The following IMMP2L variants were observed in gnomAD, a reference collection of about 807,000 sequenced individuals.
IMMP2L encodes the protein inner mitochondrial membrane peptidase subunit 2, also known as mitochondrial inner membrane protease subunit 2.
IMMP2L carries 18 observed loss-of-function variants against 19.3 expected under a neutral mutation model. That is an observed-to-expected ratio of 0.93 (90% CI 0.64 to 1.38). The LOEUF (loss-of-function observed/expected upper bound fraction) is 1.38. IMMP2L is among the 40% of genes most tolerant of loss of function. The probability of loss-of-function intolerance (pLI) is 0.00; values close to 1 mark genes in which losing one functional copy is unlikely to be tolerated. For synonymous variants in IMMP2L, 76 were observed against 73.0 expected (o/e 1.04, Z -0.21); for missense variants, 233 against 218.2 (o/e 1.07, Z -0.43).
intron 3 of IMMP2L, among the ~76,000 whole-genome samples, chr7:110,979,385 T>G (rs1230414715): frequency 1.3e-5 from 2 of 152,174 alleles, no homozygotes; most frequent in Admixed American, 6.5e-5. Flanking sequence ...GTTTTCTAAC[T>G]CTACACATTT....
chr7:110,997,166 A>C (rs2129560546), intron 3 of IMMP2L, among the ~76,000 whole-genome samples: 1 of 152,228 alleles, frequency 6.6e-6, no homozygotes, highest in African/African-American at 2.4e-5. Context: ...ATGTACTTAA[A>C]AAAAATTTAC....
At chr7:111,391,185 G>A (rs1162624413) in intron 3 of IMMP2L, among the ~76,000 whole-genome samples, 1 of 152,096 alleles carries the variant, frequency 6.6e-6, no homozygotes, top group Non-Finnish European at 1.5e-5. Flanking sequence ...GGAAGCACAG[G>A]AATAGAGGAA....
intron 5 of IMMP2L, among the ~76,000 whole-genome samples, chr7:110,751,340 C>G (rs1334960222): frequency 6.6e-6 from 1 of 151,882 alleles, no homozygotes; most frequent in Non-Finnish European, 1.5e-5. Context: ...TAGAAACATA[C>G]TTAATATTTG....
chr7:111,151,440 G>C (rs774346025), intron 3 of IMMP2L, among the ~76,000 whole-genome samples: 12 of 152,096 alleles, frequency 7.9e-5, no homozygotes, highest in Non-Finnish European at 1.6e-4. Flanking sequence ...ATTGTAATGA[G>C]AGAGGGGGAG....
At chr7:110,946,360 T>A (rs1817249999) in intron 4 of IMMP2L, among the ~76,000 whole-genome samples, 1 of 152,178 alleles carries the variant, frequency 6.6e-6, no homozygotes, top group Non-Finnish European at 1.5e-5. Context: ...CAATAAAGTA[T>A]TTCTAGGTTT....
chr7:110,802,331 ATGTGTGTG>A (rs10545848), intron 5 of IMMP2L, among the ~76,000 whole-genome samples: 34,123 of 146,802 alleles, frequency 0.23, 3,882 homozygotes, highest in Middle Eastern at 0.27. Flanking sequence ...GTATGTGTGT[ATGTGTGTG>A]TGTGTGTGTG....
At chr7:111,511,354 A>G (rs1845421192) in intron 2 of IMMP2L, among the ~76,000 whole-genome samples, 1 of 152,042 alleles carries the variant, frequency 6.6e-6, no homozygotes, top group Admixed American at 6.6e-5. Context: ...GGCCAAGCAA[A>G]AAAAAGGGCC....
chr7:110,859,232 C>G (rs910469855), intron 5 of IMMP2L, among the ~76,000 whole-genome samples: 7 of 152,018 alleles, frequency 4.6e-5, no homozygotes, highest in Non-Finnish European at 8.8e-5. Context: ...GCTTTTGACT[C>G]AGAGATCTGT....
intron 3 of IMMP2L, among the ~76,000 whole-genome samples, chr7:111,470,953 A>G (rs1841204908): frequency 6.6e-6 from 1 of 151,958 alleles, no homozygotes; most frequent in Non-Finnish European, 1.5e-5. Context: ...AAGCTAAAAC[A>G]GAACCAAGAA....
At chr7:111,514,143 T>C (rs892885756) in intron 2 of IMMP2L, among the ~76,000 whole-genome samples, 4 of 152,218 alleles carry the variant, frequency 2.6e-5, no homozygotes, top group African/African-American at 9.6e-5. Context: ...AATAATACTG[T>C]ATTATACACT....
intron 3 of IMMP2L, among the ~76,000 whole-genome samples, chr7:111,476,613 C>G (rs1841747373): frequency 1.3e-5 from 2 of 152,088 alleles, no homozygotes; most frequent in African/African-American, 4.8e-5. Flanking sequence ...CTATAGAAAT[C>G]CCAGGATAAT....
intron 5 of IMMP2L, among the ~76,000 whole-genome samples, chr7:110,806,463 G>A (rs1156920354): frequency 1.3e-5 from 2 of 151,870 alleles, no homozygotes; most frequent in African/African-American, 4.8e-5. Flanking sequence ...TATTTGAGAG[G>A]AATTATCCAT....
At chr7:111,465,838 G>T (rs981977818) in intron 3 of IMMP2L, among the ~76,000 whole-genome samples, 3 of 152,064 alleles carry the variant, frequency 2.0e-5, no homozygotes, top group African/African-American at 4.8e-5. Flanking sequence ...TATACCCAAA[G>T]GATTATAAAT....
intron 3 of IMMP2L, among the ~76,000 whole-genome samples, chr7:111,184,928 T>G (rs1442435898): frequency 1.3e-5 from 2 of 152,264 alleles, no homozygotes; most frequent in Admixed American, 6.5e-5. Flanking sequence ...ATAAAAAAGT[T>G]TTGAATCCAA....
At chr7:110,801,616 G>C (rs1042874121) in intron 5 of IMMP2L, among the ~76,000 whole-genome samples, 2 of 152,058 alleles carry the variant, frequency 1.3e-5, no homozygotes, top group African/African-American at 4.8e-5. Flanking sequence ...GTTTAAGAAT[G>C]TGAAATCAAC....
intron 1 of IMMP2L, among the ~76,000 whole-genome samples, chr7:111,546,199 A>T (rs1444744412): frequency 6.6e-6 from 1 of 152,076 alleles, no homozygotes; most frequent in Non-Finnish European, 1.5e-5. Context: ...GATCTATAGG[A>T]TACAATCTAG....
chr7:110,915,997 A>G (rs1293068537), intron 4 of IMMP2L, among the ~76,000 whole-genome samples: 1 of 152,174 alleles, frequency 6.6e-6, no homozygotes, highest in African/African-American at 2.4e-5. Flanking sequence ...CACAGCCAAT[A>G]CTTTTCTAAC....
chr7:111,556,963 C>T (rs1010989875), intron 1 of IMMP2L, among the ~76,000 whole-genome samples: 10 of 152,030 alleles, frequency 6.6e-5, no homozygotes, highest in African/African-American at 2.4e-4. Flanking sequence ...AACTCATTCT[C>T]TTCTCCCTCA....
intron 3 of IMMP2L, among the ~76,000 whole-genome samples, chr7:111,129,250 C>G (rs1034712576): frequency 6.6e-6 from 1 of 151,990 alleles, no homozygotes; most frequent in Non-Finnish European, 1.5e-5. Flanking sequence ...GTATCTTGGG[C>G]TTCATCACAA....
Sources: gnomAD v4.1 joint callset for allele counts (sites outside exome capture counted in the v4.1 genomes callset) on GRCh38, gnomAD v4.1.1 for gene constraint, MANE v1.5 for transcripts, NCBI Gene and HGNC (gene_info 2026-07-23, HGNC 2026-07-21) for gene names.